TLL1: variants seen among roughly 807,000 people sequenced by gnomAD.
TLL1 encodes the protein tolloid-like protein 1.
In TLL1, 49 loss-of-function variants were observed where a neutral mutation model predicts 128.2. The ratio of observed to expected loss-of-function variants is 0.38; its 90% confidence interval spans 0.30 to 0.48. TLL1 has a LOEUF of 0.48. TLL1 is among the 20% of genes least tolerant of loss of function. The pLI, the probability that TLL1 is intolerant of heterozygous loss-of-function variation, is 0.96. For missense variants in TLL1, 1,123 were observed against 1,242.0 expected (o/e 0.90, Z 1.44); for synonymous variants, 454 against 418.8 (o/e 1.08, Z -1.03).
chr4:165,988,060 G>A (rs1275242162), intron 1 of TLL1, among the ~76,000 whole-genome samples: 1 of 152,044 alleles, frequency 6.6e-6, no homozygotes, highest in Admixed American at 6.6e-5. Flanking sequence ...GTGTTCTACT[G>A]TCTCATGATT....
At chr4:165,925,056 T>A (rs773129316) in intron 1 of TLL1, among the ~76,000 whole-genome samples, 4 of 152,252 alleles carry the variant, frequency 2.6e-5, no homozygotes, top group Non-Finnish European at 4.4e-5. Flanking sequence ...ATGTAGCTTG[T>A]CACTCAAGAG....
chr4:166,006,786 C>T (rs569276659), intron 6 of TLL1, among the ~76,000 whole-genome samples: 1 of 151,760 alleles, frequency 6.6e-6, no homozygotes, highest in South Asian at 2.1e-4. Flanking sequence ...GACTAAAACA[C>T]CTTGTTCTGG....
intron 1 of TLL1, among the ~76,000 whole-genome samples, chr4:165,880,980 C>T (rs1220325211): frequency 6.6e-6 from 1 of 152,116 alleles, no homozygotes; most frequent in Non-Finnish European, 1.5e-5. Flanking sequence ...TGTTGGAAAC[C>T]ACCTTGGCAT....
At chr4:166,028,415 T>C (rs776589048) in intron 9 of TLL1, among the ~76,000 whole-genome samples, 65 of 152,078 alleles carry the variant, frequency 4.3e-4, no homozygotes, top group Non-Finnish European at 6.8e-4. Context: ...TGTCAGTCTT[T>C]GCAATAGCTT....
intron 12 of TLL1, 118 bp downstream of exon 12, chr4:166,043,537 A>G: frequency 6.9e-7 from 1 of 1,456,210 alleles, no homozygotes; most frequent in East Asian, 2.3e-5. Flanking sequence ...TCAGCAAAGA[A>G]GCAAAGGATC....
intron 2 of TLL1, among the ~76,000 whole-genome samples, chr4:165,990,107 T>C (rs951084925): frequency 1.3e-5 from 2 of 151,978 alleles, no homozygotes; most frequent in Non-Finnish European, 2.9e-5. Flanking sequence ...GTTTGAATTA[T>C]GCCTGTAAGA....
intron 18 of TLL1, among the ~76,000 whole-genome samples, chr4:166,080,621 A>G (rs564515763): frequency 3.1e-4 from 47 of 152,048 alleles, no homozygotes; most frequent in African/African-American, 1.1e-3. Flanking sequence ...GACATTATGT[A>G]TGCAATAATA....
chr4:165,980,721 AG>A (rs1404781320), intron 1 of TLL1, among the ~76,000 whole-genome samples: 6 of 152,134 alleles, frequency 3.9e-5, no homozygotes, highest in Non-Finnish European at 8.8e-5. Context: ...AAGGCAAAAT[AG>A]TCCATTTAAA....
intron 1 of TLL1, among the ~76,000 whole-genome samples, chr4:165,876,338 CA>C (rs5863785): frequency 0.3 from 44,423 of 148,768 alleles, 6,648 homozygotes; most frequent in South Asian, 0.42. Flanking sequence ...AAGCAAGAGT[CA>C]AAAAAAAAAA....
At position 165,988,316 on chromosome 4, in the gene TLL1, AAGAT is replaced by A. The variant is rs1340146017; in HGVS notation, c.170-1061_170-1058del. ...AAGTAGCATAATACACTAGGTAAAA[AAGAT>A]AGAGTCAGACTGAGAGCAGTTGCTC... On this transcript the variant is annotated intron_variant, in intron 1 of 20. Transcript: ENST00000061240. Among the ~76,000 whole-genome samples the A allele has an allele frequency of 5.9e-5, 9 of 152,270 alleles. No individual in the cohort carries two copies. The East Asian group carries it at 1.4e-3, about 23-fold the overall frequency.
At chr4:166,047,128 T>G (rs1320881670) in intron 12 of TLL1, among the ~76,000 whole-genome samples, 1 of 152,132 alleles carries the variant, frequency 6.6e-6, no homozygotes, top group Non-Finnish European at 1.5e-5. Flanking sequence ...GATTCTAGTC[T>G]TTGCCTTGTT....
At position 166,102,293 on chromosome 4, in the gene TLL1, T is replaced by C. The variant is rs1437884068; in HGVS notation, c.*1417T>C. ...ATTGGATATAAATATGGTGTCCTGCTTTTTTTGTAGAAAATGTAATTTGAG... is the reference window on the plus strand; with the variant it reads ...ATTGGATATAAATATGGTGTCCTGCCTTTTTTGTAGAAAATGTAATTTGAG... On this transcript the variant is annotated 3_prime_UTR_variant, in exon 21 of 21. Coordinates refer to ENST00000061240, the MANE Select transcript of TLL1 (RefSeq NM_012464.5). 1 of 152,480 alleles carries C rather than the reference T, an allele frequency of 6.6e-6. No individual in the cohort carries two copies. 9.4% of individuals were successfully genotyped at this position (152,480 alleles called of 1,614,324 possible).
Position 165,994,468 on chromosome 4 carries a change from C to T in TLL1, c.449C>T (p.Thr150Ile). 6.2e-7 allele frequency: 1 copy of T among 1,614,014 alleles called. No homozygotes were observed. The highest frequency in any genetic ancestry group is 1.1e-5 in the South Asian group (1 of 91,078). ...NEKNRVPRAA[T>I]SRTERIWPGG... ...AAAAATCGAGTTCCCAGAGCCGCTACATCAAGAACGGAAAGAATATGGCCT... is the reference window on the plus strand; with the variant it reads ...AAAAATCGAGTTCCCAGAGCCGCTATATCAAGAACGGAAAGAATATGGCCT... The change falls in exon 4 of 21, where the codon ACA (threonine) becomes ATA (isoleucine). Residue 150 changes from threonine to isoleucine, a missense_variant. Transcript: ENST00000061240.
At chr4:166,091,425 T>C in intron 19 of TLL1, 84 bp downstream of exon 19, 3 of 1,149,698 alleles carry the variant, frequency 2.6e-6, no homozygotes, top group Admixed American at 2.0e-5. Flanking sequence ...AATAGGATTG[T>C]AAATAAATCT....
intron 18 of TLL1, among the ~76,000 whole-genome samples, chr4:166,090,358 G>C (rs1497951): frequency 0.91 from 138,589 of 152,026 alleles, 63,760 homozygotes; most frequent in East Asian, 1. Context: ...ATTAAACTTT[G>C]CTTTGTGATC....
At chr4:165,963,219 A>G (rs186724665) in intron 1 of TLL1, among the ~76,000 whole-genome samples, 11 of 152,190 alleles carry the variant, frequency 7.2e-5, no homozygotes, top group African/African-American at 2.2e-4. Flanking sequence ...ATTGGGTACT[A>G]TGCCAAATGC....
chr4:166,076,115 G>A (rs1053931693), intron 17 of TLL1, among the ~76,000 whole-genome samples: 2 of 152,000 alleles, frequency 1.3e-5, no homozygotes, highest in Non-Finnish European at 2.9e-5. Context: ...CTCTGTCACC[G>A]AGGCTGGAAT....
At chr4:165,994,846 C>G (rs1736794397) in intron 4 of TLL1, among the ~76,000 whole-genome samples, 1 of 152,152 alleles carries the variant, frequency 6.6e-6, no homozygotes, top group South Asian at 2.1e-4. Flanking sequence ...CTTGTAGACA[C>G]ATATTTGTAG....
chr4:165,923,384 A>G (rs1733123022), intron 1 of TLL1, among the ~76,000 whole-genome samples: 1 of 146,898 alleles, frequency 6.8e-6, no homozygotes, highest in South Asian at 2.3e-4. Flanking sequence ...TAGTAATATG[A>G]TATAAATAGG....
Sources: gnomAD v4.1 joint callset for allele counts (sites outside exome capture counted in the v4.1 genomes callset) on GRCh38, gnomAD v4.1.1 for gene constraint, MANE v1.5 for transcripts, NCBI Gene and HGNC (gene_info 2026-07-23, HGNC 2026-07-21) for gene names.